The following ZBED6 variants were observed in gnomAD, a reference collection of about 807,000 sequenced individuals.
The protein encoded by ZBED6 is zinc finger BED domain-containing protein 6.
In ZBED6, 40 loss-of-function variants were observed where a neutral mutation model predicts 58.4. The ratio of observed to expected loss-of-function variants is 0.68; its 90% confidence interval spans 0.53 to 0.89. The LOEUF (loss-of-function observed/expected upper bound fraction) is 0.89, where lower values mean the gene tolerates loss of function less well. Ranked by LOEUF, ZBED6 falls within the 40% of genes least tolerant of loss-of-function variation. The pLI is 0.00. For synonymous variants in ZBED6, 439 were observed against 350.6 expected, an observed-to-expected ratio of 1.25 and a Z score of -2.82; for missense variants, 1,057 against 1,003.9, an observed-to-expected ratio of 1.05 and a Z score of -0.71.
chr1:203,831,189 T>C (rs1178030919), intron 7 of ZBED6, among the ~76,000 whole-genome samples: 2 of 152,046 alleles, frequency 1.3e-5, no homozygotes, highest in East Asian at 3.9e-4. Context: ...GGTAATCCAC[T>C]GCGCCCAGCC....
At chr1:203,797,831 T>G (rs1179357874) in exon 1 of ZBED6, 7 of 1,536,118 alleles carry the variant, frequency 4.6e-6, no homozygotes, top group Non-Finnish European at 6.1e-6. Context: ...CTTTGTTAGC[T>G]TCCAATGACC....
At chr1:203,841,355 C>T (rs1223021758) in intron 11 of ZBED6, among the ~76,000 whole-genome samples, 3 of 152,032 alleles carry the variant, frequency 2.0e-5, no homozygotes, top group Non-Finnish European at 4.4e-5. Flanking sequence ...GTGGTGATGA[C>T]TCTTAACGAG....
chr1:203,821,312 C>CT (rs935359377), intron 3 of ZBED6, among the ~76,000 whole-genome samples: 65 of 149,314 alleles, frequency 4.4e-4, no homozygotes, highest in South Asian at 3.0e-3. Context: ...TTAGTTAAAC[C>CT]TTTTTTTTTT....
chr1:203,809,644 T>A (rs903663575), intron 1 of ZBED6, among the ~76,000 whole-genome samples: 1 of 152,000 alleles, frequency 6.6e-6, no homozygotes, highest in Non-Finnish European at 1.5e-5. Context: ...TTTCAAACGG[T>A]TATTTTCTGT....
At chr1:203,850,705 G>A (rs1206694646) in intron 15 of ZBED6, 24 bp downstream of exon 15, 5 of 1,607,116 alleles carry the variant, frequency 3.1e-6, no homozygotes, top group Admixed American at 3.4e-5. Context: ...TCACTTTGTG[G>A]TGCTTTATTC....
intron 3 of ZBED6, 119 bp from the exon 4 acceptor site, chr1:203,828,180 C>A: frequency 8.5e-7 from 1 of 1,173,380 alleles, no homozygotes; most frequent in Non-Finnish European, 1.2e-6. Context: ...TAAAAATCAT[C>A]TCATCTCACA....
rs1299904600 is a variant in ZBED6, at chr1:203,835,154, T to G, written c.*3573+1301T>G. On this transcript the variant is annotated intron_variant, in intron 9 of 16. Transcript: ENST00000550078. ...ATGTATTGTTGAATCAGTTATGCAC[T>G]TTACGCTCTAAGTAATAAAAAACTT... 2.6e-5 allele frequency among the ~76,000 whole-genome samples: 4 copies of G among 152,360 alleles called. No homozygotes were observed. The East Asian group carries it at 7.7e-4, about 29-fold the overall frequency.
chr1:203,825,428 ATTTTTTTTTTTTT>A (rs59157538), intron 3 of ZBED6, among the ~76,000 whole-genome samples: 1 of 81,624 alleles, frequency 1.2e-5, no homozygotes, highest in East Asian at 3.2e-4. Flanking sequence ...ACTGTGGAGG[ATTTTTTTTTTTTT>A]TTTTTTTTTT....
intron 7 of ZBED6, among the ~76,000 whole-genome samples, chr1:203,830,761 A>T (rs1474175595): frequency 6.6e-6 from 1 of 151,864 alleles, no homozygotes; most frequent in Admixed American, 6.6e-5. Flanking sequence ...GTGAGCTGAG[A>T]TCGCACCATT....
At chr1:203,840,878 C>A (rs1406971997) in intron 11 of ZBED6, among the ~76,000 whole-genome samples, 2 of 152,122 alleles carry the variant, frequency 1.3e-5, no homozygotes, top group East Asian at 3.9e-4. Context: ...AGGTGATCCA[C>A]CTGCCTCAGC....
At chr1:203,806,665 G>C (rs1016926717) in intron 1 of ZBED6, among the ~76,000 whole-genome samples, 1 of 152,138 alleles carries the variant, frequency 6.6e-6, no homozygotes, top group African/African-American at 2.4e-5. Context: ...AGATGGTGAA[G>C]ACTGTTGAAT....
chr1:203,816,211 A>G (rs2102753399), intron 1 of ZBED6, among the ~76,000 whole-genome samples: 1 of 152,342 alleles, frequency 6.6e-6, no homozygotes, highest in Non-Finnish European at 1.5e-5. Flanking sequence ...ATATTTTGTT[A>G]GCAAGTATTT....
chr1:203,798,086 C>G, exon 1 of ZBED6: 1 of 1,536,114 alleles, frequency 6.5e-7, no homozygotes, highest in Non-Finnish European at 8.7e-7. Flanking sequence ...CCAGGGCCAA[C>G]AAGTTTGGAG....
At chr1:203,799,291 T>C (rs1451381743) in exon 1 of ZBED6, 2 of 723,776 alleles carry the variant, frequency 2.8e-6, no homozygotes, top group Non-Finnish European at 4.9e-6. Flanking sequence ...TGTTTAAATA[T>C]GGTCATTCAG....
In ZBED6 at chr1:203,800,620, A is replaced by G; in HGVS notation, c.*158A>G. On this transcript the variant is annotated 3_prime_UTR_variant, in exon 1 of 17. Coordinates refer to ENST00000550078, the Ensembl canonical transcript of ZBED6. ...TCCTCAGAGGCAATATAATTTTGAT[A>G]AAATGAAGATTAAAGATTTCATAGC... 3 of 632,964 alleles carry G rather than the reference A, an allele frequency of 4.7e-6. No homozygotes were observed. The South Asian group carries it at 1.0e-4, about 22-fold the overall frequency. The allele number at this position is 632,964 out of a possible 1,614,324, so 39.2% of individuals were successfully genotyped here.
At chr1:203,838,117 C>T in intron 10 of ZBED6, 53 bp downstream of exon 10, 1 of 1,509,636 alleles carries the variant, frequency 6.6e-7, no homozygotes, top group African/African-American at 1.4e-5. Context: ...ACACTTGTGT[C>T]TTGTAATGCT....
intron 6 of ZBED6, 78 bp from the exon 7 acceptor site, chr1:203,830,045 A>G: frequency 7.4e-7 from 1 of 1,355,852 alleles, no homozygotes; most frequent in Non-Finnish European, 1.0e-6. Context: ...ATTCAAAAAT[A>G]AATGCCTGCT....
chr1:203,844,019 G>A (rs1195248761), intron 11 of ZBED6, among the ~76,000 whole-genome samples: 1 of 151,710 alleles, frequency 6.6e-6, no homozygotes, highest in African/African-American at 2.4e-5. Context: ...TACCACGCCC[G>A]GCTAATTTTG....
chr1:203,798,842 G>T, exon 1 of ZBED6: 3 of 1,536,106 alleles, frequency 2.0e-6, no homozygotes, highest in East Asian at 4.9e-5. Context: ...TGCAGATTGT[G>T]GCCCCTGATT....
Sources: gnomAD v4.1 joint callset for allele counts (sites outside exome capture counted in the v4.1 genomes callset) on GRCh38, gnomAD v4.1.1 for gene constraint, MANE v1.5 for transcripts, NCBI Gene and HGNC (gene_info 2026-07-23, HGNC 2026-07-21) for gene names.